The following MRTFB variants were observed in gnomAD, a reference collection of about 807,000 sequenced individuals.
The protein encoded by MRTFB is myocardin-related transcription factor B.
In MRTFB, 29 loss-of-function variants were observed where a neutral mutation model predicts 104.2. The observed-to-expected ratio is 0.28, with a 90% CI of 0.21 to 0.38. The LOEUF (loss-of-function observed/expected upper bound fraction) is 0.38. Ranked by LOEUF, MRTFB falls within the 10% of genes least tolerant of loss-of-function variation. The pLI is 1.00. For synonymous variants in MRTFB, 535 were observed against 519.5 expected (o/e 1.03, Z -0.41); for missense variants, 1,270 against 1,341.6 (o/e 0.95, Z 0.83).
chr16:14,049,726 C>T, the MRTFB span, among the ~76,000 whole-genome samples: 1 of 152,172 alleles, frequency 6.6e-6, no homozygotes, highest in Non-Finnish European at 1.5e-5. Context: ...TTAGGAGATA[C>T]ATGGAGTATT....
chr16:14,151,934 C>T (rs1597088760), intron 3 of MRTFB: 1 of 152,174 alleles, frequency 6.6e-6, no homozygotes. Flanking sequence ...AGGGTTGTTC[C>T]ATTTGGTAAA....
chr16:14,215,497 GCTCTA>G, intron 6 of MRTFB, among the ~76,000 whole-genome samples: 1 of 152,256 alleles, frequency 6.6e-6, no homozygotes, highest in East Asian at 1.9e-4. Flanking sequence ...AAAATTCCAG[GCTCTA>G]CTTACTTACT....
At chr16:14,036,380 C>T in the MRTFB span, among the ~76,000 whole-genome samples, 1 of 137,984 alleles carries the variant, frequency 7.2e-6, no homozygotes, top group East Asian at 2.1e-4. Flanking sequence ...TTAAAACCTG[C>T]CAAGCTCAAA....
chr16:14,109,935 A>G (rs1197889735), intron 2 of MRTFB, among the ~76,000 whole-genome samples: 3 of 152,214 alleles, frequency 2.0e-5, no homozygotes, highest in African/African-American at 7.2e-5. Flanking sequence ...TTCATCACAA[A>G]TCAGCCAAAC....
intron 3 of MRTFB, among the ~76,000 whole-genome samples, chr16:14,154,685 C>G (rs982907521): frequency 2.0e-5 from 3 of 152,190 alleles, no homozygotes; most frequent in Admixed American, 1.3e-4. Flanking sequence ...AGTCTGTAAT[C>G]AGAGTGTCAG....
chr16:14,200,508 G>A (rs1489506802), intron 3 of MRTFB: 3 of 1,610,478 alleles, frequency 1.9e-6, no homozygotes, highest in South Asian at 2.2e-5. Context: ...ATCATCGTCT[G>A]TCTTCTCTGT....
intron 2 of MRTFB, among the ~76,000 whole-genome samples, chr16:14,080,489 C>T (rs184311183): frequency 1.3e-5 from 2 of 152,236 alleles, no homozygotes; most frequent in Admixed American, 1.3e-4. Flanking sequence ...GTGGTGAGAA[C>T]ATTGAACATT....
At chr16:14,044,621 G>A in the MRTFB span, among the ~76,000 whole-genome samples, 6 of 152,132 alleles carry the variant, frequency 3.9e-5, no homozygotes, top group Non-Finnish European at 8.8e-5. Flanking sequence ...GGTTGCTTCT[G>A]GATGTTCCAT....
chr16:14,170,666 A>G (rs1050351838), intron 3 of MRTFB, among the ~76,000 whole-genome samples: 1 of 152,186 alleles, frequency 6.6e-6, no homozygotes, highest in Non-Finnish European at 1.5e-5. Flanking sequence ...AGTATATATC[A>G]TGTGTATATA....
intron 2 of MRTFB, among the ~76,000 whole-genome samples, chr16:14,133,748 T>C (rs968498471): frequency 5.3e-5 from 8 of 152,130 alleles, no homozygotes; most frequent in Non-Finnish European, 1.2e-4. Flanking sequence ...ATGCTAATTA[T>C]AATTCAACAA....
intron 2 of MRTFB, among the ~76,000 whole-genome samples, chr16:14,121,747 G>A (rs2036855773): frequency 6.6e-6 from 1 of 152,150 alleles, no homozygotes; most frequent in South Asian, 2.1e-4. Context: ...ACCAAAGGGT[G>A]TAGAATAGCA....
At chr16:14,015,985 T>C in the MRTFB span, 12,718 of 398,636 alleles carry the variant, frequency 0.032, 268 homozygotes, top group Non-Finnish European at 0.041. Flanking sequence ...ATCCTTCATG[T>C]TTAATTGCGT....
chr16:14,224,081 C>G (rs543814975), intron 8 of MRTFB, among the ~76,000 whole-genome samples: 1 of 152,038 alleles, frequency 6.6e-6, no homozygotes, highest in Non-Finnish European at 1.5e-5. Flanking sequence ...CTTCACATGA[C>G]AGCAGGAGAG....
chr16:14,021,706 G>A, the MRTFB span, among the ~76,000 whole-genome samples: 10 of 152,084 alleles, frequency 6.6e-5, no homozygotes, highest in Non-Finnish European at 1.5e-4. Context: ...TACTTTACCT[G>A]GAATAATAGT....
At chr16:14,227,512 TTTTTG>T (rs927563723) in intron 8 of MRTFB, among the ~76,000 whole-genome samples, 2 of 152,146 alleles carry the variant, frequency 1.3e-5, no homozygotes, top group African/African-American at 4.8e-5. Context: ...CCTCAATTTT[TTTTTG>T]TTTTGTTTTT....
chr16:14,143,497 G>C (rs1239207429), intron 3 of MRTFB: 1 of 149,996 alleles, frequency 6.7e-6, no homozygotes, highest in East Asian at 1.9e-4. Context: ...CCCATATTTG[G>C]TAGTACTGAT....
the MRTFB span, among the ~76,000 whole-genome samples, chr16:14,027,066 G>C: frequency 6.6e-6 from 1 of 152,120 alleles, no homozygotes; most frequent in African/African-American, 2.4e-5. Context: ...TTATACCAAA[G>C]AAATGAAAAT....
chr16:14,063,353 AT>A, the MRTFB span, among the ~76,000 whole-genome samples: 9 of 152,168 alleles, frequency 5.9e-5, no homozygotes, highest in Admixed American at 1.3e-4. Flanking sequence ...AAATCACATA[AT>A]CTATTGTTTT....
Position 14,252,516 on chromosome 16 carries a change from C to T in MRTFB, c.2703+14C>T, listed in dbSNP as rs751217290. ...CCTCTGCCAGAGGTAAGTGAGGGCA[C>T]GGTCATGGTGCATAAGGCTATGGTG... On this transcript the variant is annotated intron_variant, in intron 15 of 16. Transcript: ENST00000571589. 15 of 1,613,532 alleles carry T rather than the reference C, an allele frequency of 9.3e-6. No individual in the cohort carries two copies. The highest frequency in any genetic ancestry group is 4.0e-5 in the African/African-American group (3 of 74,854).
Sources: allele counts gnomAD v4.1 joint callset (sites outside exome capture counted in the v4.1 genomes callset), GRCh38; gene constraint gnomAD v4.1.1; transcripts MANE v1.5; gene names NCBI Gene and HGNC (gene_info 2026-07-23, HGNC 2026-07-21).